KCNT2: variants seen among roughly 807,000 people sequenced by gnomAD.
KCNT2 encodes the protein potassium sodium-activated channel subfamily T member 2.
A neutral mutation model predicts 153.8 loss-of-function variants in KCNT2; 67 were observed. That is an observed-to-expected ratio of 0.44 (90% CI 0.36 to 0.53). KCNT2 has a LOEUF of 0.53. Ranked by LOEUF, KCNT2 falls within the 20% of genes least tolerant of loss-of-function variation. The pLI, the probability that KCNT2 is intolerant of heterozygous loss-of-function variation, is 0.00. For synonymous variants in KCNT2, 500 were observed against 458.8 expected (o/e 1.09, Z -1.15); for missense variants, 975 against 1,354.8 (o/e 0.72, Z 4.40).
chr1:196,450,118 T>C, intron 8 of KCNT2, among the ~76,000 whole-genome samples: 1 of 151,866 alleles, frequency 6.6e-6, no homozygotes, highest in Non-Finnish European at 1.5e-5. Context: ...CAAATTCTCA[T>C]TGCATTTTCA....
chr1:196,383,221 AG>A (rs1669660022), intron 13 of KCNT2, among the ~76,000 whole-genome samples: 1 of 152,208 alleles, frequency 6.6e-6, no homozygotes, highest in Non-Finnish European at 1.5e-5. Context: ...TAAAATAAAA[AG>A]AAAGAACAGG....
chr1:196,558,545 A>T (rs1360707268), intron 1 of KCNT2, among the ~76,000 whole-genome samples: 1 of 151,474 alleles, frequency 6.6e-6, no homozygotes, highest in African/African-American at 2.4e-5. Context: ...TGTAATTTAC[A>T]AGAATGTCTA....
chr1:196,439,630 G>A (rs887713722), intron 8 of KCNT2, among the ~76,000 whole-genome samples: 2 of 151,910 alleles, frequency 1.3e-5, no homozygotes, highest in Non-Finnish European at 2.9e-5. Context: ...GCAGGTAGAA[G>A]GTAGGAAAAT....
chr1:196,543,205 T>C (rs895900434), intron 1 of KCNT2, among the ~76,000 whole-genome samples: 5 of 152,172 alleles, frequency 3.3e-5, no homozygotes, highest in African/African-American at 1.2e-4. Context: ...ATGATTTAAT[T>C]TGTAGCTTTC....
At chr1:196,387,772 T>A (rs899474252) in intron 13 of KCNT2, among the ~76,000 whole-genome samples, 1 of 151,958 alleles carries the variant, frequency 6.6e-6, no homozygotes, top group Non-Finnish European at 1.5e-5. Context: ...GTTTGGACTC[T>A]TAAAATTGAA....
At chr1:196,522,622 G>A (rs1192685778) in intron 1 of KCNT2, among the ~76,000 whole-genome samples, 1 of 152,170 alleles carries the variant, frequency 6.6e-6, no homozygotes, top group Non-Finnish European at 1.5e-5. Context: ...TGGGGACTTA[G>A]AGAACTTTTC....
chr1:196,395,822 G>T (rs1670888244), intron 13 of KCNT2, among the ~76,000 whole-genome samples: 1 of 151,298 alleles, frequency 6.6e-6, no homozygotes, highest in Non-Finnish European at 1.5e-5. Flanking sequence ...CACAATTTAG[G>T]GTAAACCGAA....
rs116549543 is a variant in KCNT2 at position 196,245,770 on chromosome 1, A to G, written c.3212-9700T>C. ...CTTAACAGAAGAATTAGTGAGCTTGAAAACTGGCTATATGAAAGTACGGTC... is the reference window on the plus strand; with the variant it reads ...CTTAACAGAAGAATTAGTGAGCTTGGAAACTGGCTATATGAAAGTACGGTC... On this transcript the variant is annotated intron_variant, in intron 26 of 27. Coordinates refer to ENST00000294725, the MANE Select transcript of KCNT2 (RefSeq NM_198503.5). Among the ~76,000 whole-genome samples, 560 of 152,296 alleles carry G rather than the reference A, an allele frequency of 3.7e-3. 3 individuals carry two copies. Among genetic ancestry groups the G allele is most frequent in the African/African-American group, 0.013 (522 of 41,580 alleles).
chr1:196,264,285 G>A (rs1489385721), intron 25 of KCNT2, among the ~76,000 whole-genome samples: 1 of 152,050 alleles, frequency 6.6e-6, no homozygotes, highest in Non-Finnish European at 1.5e-5. Context: ...ATTGAGAGGG[G>A]ACTTTTTCAT....
chr1:196,602,858 C>G (rs1186655794), intron 1 of KCNT2, among the ~76,000 whole-genome samples: 1 of 140,648 alleles, frequency 7.1e-6, no homozygotes, highest in African/African-American at 2.7e-5. Flanking sequence ...GCAATCTCGG[C>G]TCACTGCAAG....
chr1:196,546,110 TC>T (rs1319824747), intron 1 of KCNT2, among the ~76,000 whole-genome samples: 5 of 152,074 alleles, frequency 3.3e-5, no homozygotes, highest in Non-Finnish European at 7.4e-5. Context: ...CAAAGCAGCT[TC>T]ATCAGTTTAT....
At chr1:196,546,339 G>C (rs1207825647) in intron 1 of KCNT2, among the ~76,000 whole-genome samples, 2 of 152,010 alleles carry the variant, frequency 1.3e-5, no homozygotes, top group Non-Finnish European at 2.9e-5. Context: ...TACATCATTT[G>C]TCTCTAGCAC....
chr1:196,508,461 T>C (rs1030928024), intron 1 of KCNT2, among the ~76,000 whole-genome samples: 6 of 152,084 alleles, frequency 3.9e-5, no homozygotes, highest in Non-Finnish European at 8.8e-5. Context: ...CTCAGAAAAT[T>C]CTATAAGCTC....
At chr1:196,480,603 C>G (rs1483168907) in intron 4 of KCNT2, among the ~76,000 whole-genome samples, 1 of 151,966 alleles carries the variant, frequency 6.6e-6, no homozygotes, top group Non-Finnish European at 1.5e-5. Flanking sequence ...CGTCTGTAAT[C>G]CCAGCACTTT....
intron 1 of KCNT2, among the ~76,000 whole-genome samples, chr1:196,577,407 A>G (rs966551583): frequency 6.6e-6 from 1 of 152,176 alleles, no homozygotes; most frequent in Non-Finnish European, 1.5e-5. Context: ...GAAGCCTGAC[A>G]GACTGAATGG....
At chr1:196,374,338 G>C (rs1668772720) in intron 13 of KCNT2, among the ~76,000 whole-genome samples, 1 of 151,756 alleles carries the variant, frequency 6.6e-6, no homozygotes, top group African/African-American at 2.4e-5. Flanking sequence ...CAAATGCTCT[G>C]GACAAACATT....
intron 1 of KCNT2, among the ~76,000 whole-genome samples, chr1:196,561,678 G>GAAAAAAAAAAAAAA (rs1659427672): frequency 6.6e-5 from 3 of 45,476 alleles, no homozygotes; most frequent in Non-Finnish European, 1.6e-4. Context: ...AAAAAAAAAA[G>GAAAAAAAAAAAAAA]AAGAAGAAGA....
chr1:196,297,581 T>C, intron 22 of KCNT2, among the ~76,000 whole-genome samples: 2 of 152,286 alleles, frequency 1.3e-5, no homozygotes, highest in South Asian at 4.1e-4. Flanking sequence ...ATTTATAACT[T>C]TTCTAGAATA....
intron 1 of KCNT2, among the ~76,000 whole-genome samples, chr1:196,494,914 A>T (rs2148743044): frequency 1.3e-5 from 2 of 152,246 alleles, no homozygotes; most frequent in Admixed American, 1.3e-4. Context: ...ATCAATGTGG[A>T]GAGCTCTCCA....
Sources: allele counts gnomAD v4.1 joint callset (sites outside exome capture counted in the v4.1 genomes callset), GRCh38; gene constraint gnomAD v4.1.1; transcripts MANE v1.5; gene names NCBI Gene and HGNC (gene_info 2026-07-23, HGNC 2026-07-21).